The following LNPK variants were observed in gnomAD, a reference collection of about 807,000 sequenced individuals.
LNPK encodes lunapark, ER junction formation factor.
A neutral mutation model predicts 55.2 loss-of-function variants in LNPK; 29 were observed. The observed-to-expected ratio is 0.53, with a 90% CI of 0.39 to 0.72. The LOEUF is 0.72. LNPK is among the 30% of genes least tolerant of loss of function. The pLI, the probability that LNPK is intolerant of heterozygous loss-of-function variation, is 0.00. For missense variants in LNPK, 467 were observed against 494.8 expected (o/e 0.94, Z 0.53); for synonymous variants, 162 against 168.2 (o/e 0.96, Z 0.29).
chr2:175,960,273 A>G (rs147333709), intron 8 of LNPK, among the ~76,000 whole-genome samples: 7,576 of 152,274 alleles, frequency 0.05, 265 homozygotes, highest in Admixed American at 0.11. Flanking sequence ...TCAGCATCAC[A>G]TCGCACTTAC....
At chr2:175,931,498 A>T (rs1684278635) in intron 12 of LNPK, among the ~76,000 whole-genome samples, 1 of 152,202 alleles carries the variant, frequency 6.6e-6, no homozygotes, top group African/African-American at 2.4e-5. Context: ...TTAAAGAGAT[A>T]CCTTGGACTC....
intron 4 of LNPK, among the ~76,000 whole-genome samples, chr2:175,986,535 T>C (rs775684959): frequency 6.6e-6 from 1 of 152,126 alleles, no homozygotes; most frequent in African/African-American, 2.4e-5. Flanking sequence ...TACAGTGTTA[T>C]TGTTTCAACA....
rs1039133300 is a variant in LNPK, at chr2:175,927,838, C to T, written c.*2129G>A. On this transcript the variant is annotated 3_prime_UTR_variant, in exon 13 of 13. Transcript: ENST00000272748. Reference sequence around the variant, plus strand: ...TAAAAGGATACTATATGGTTACAAACATGTTACCTATCGCATTAATTTTAC... The same window carrying T: ...TAAAAGGATACTATATGGTTACAAATATGTTACCTATCGCATTAATTTTAC... 1 of 152,058 alleles carries T rather than the reference C, an allele frequency of 6.6e-6. No homozygotes were observed. The highest frequency in any genetic ancestry group is 1.5e-5 in the Non-Finnish European group (1 of 67,996). 9.4% of individuals were successfully genotyped at this position (152,058 alleles called of 1,614,324 possible).
rs1484846386 is a variant in LNPK at position 175,930,054 on chromosome 2, G to A, written c.1200C>T (p.Ala400=). 1.2e-6 allele frequency: 2 copies of A among 1,613,910 alleles called. No homozygotes were observed. Among genetic ancestry groups the A allele is most frequent in the Admixed American group, 1.7e-5 (1 of 59,992 alleles). ...EEKQETENEE[A]SVIETNSTVP... is the part of the protein sequence containing the mutation. ...CTGTGGAGTTGGTTTCAATCACTGA[G>A]GCTTCCTCATTCTCAGTCTCTTGTT... The change falls in exon 13 of 13, where the codon GCC becomes GCT. Residue 400 remains alanine (A), a synonymous_variant. Transcript: ENST00000272748.
Position 175,929,438 on chromosome 2 carries a change from T to C in LNPK, c.*529A>G, listed in dbSNP as rs182222736. ...CCACTGCATTCTTATTGAGAATTCGTACCAGTGCCTATGTGGTAACAACTT... is the reference window on the plus strand; with the variant it reads ...CCACTGCATTCTTATTGAGAATTCGCACCAGTGCCTATGTGGTAACAACTT... On this transcript the variant is annotated 3_prime_UTR_variant, in exon 13 of 13. Coordinates refer to ENST00000272748, the MANE Select transcript of LNPK (RefSeq NM_030650.3). 17 of 986,234 alleles carry C rather than the reference T, an allele frequency of 1.7e-5. No individual in the cohort carries two copies. Among genetic ancestry groups the C allele is most frequent in the Admixed American group, 6.1e-5 (1 of 16,360 alleles). The allele number at this position is 986,234 out of a possible 1,614,324, so 61.1% of individuals were successfully genotyped here.
chr2:175,954,346 G>A (rs1206445418), intron 8 of LNPK, among the ~76,000 whole-genome samples: 1 of 152,024 alleles, frequency 6.6e-6, no homozygotes, highest in Non-Finnish European at 1.5e-5. Context: ...ACAGGAAAAT[G>A]GCCTCTCAAA....
rs747419994 is a variant in LNPK, at chr2:175,995,550, T to C, written c.27+8A>G. On this transcript the variant is annotated splice_region_variant and intron_variant, in intron 2 of 12. Transcript: ENST00000272748. ...CTCAAGAACTAGCTGTAAAGAAAAG[T>C]ACCTTACCCTCCATCGAGAAAATAA... The C allele has an allele frequency of 1.9e-5, 31 of 1,606,914 alleles. No individual in the cohort carries two copies. In the Admixed American group the frequency reaches 4.9e-4, roughly 25 times the overall value.
rs972901665 is a variant in LNPK, at chr2:175,951,607, A to ATATATC, written c.494-3916_494-3915insGATATA. Reference sequence around the variant, plus strand: ...TTCATATATATATATATATATATATATATCTCAGTTTCTTTATCCACTCAT... The same window carrying ATATATC: ...TTCATATATATATATATATATATATATATATCTATCTCAGTTTCTTTATCCACTCAT... On this transcript the variant is annotated intron_variant, in intron 8 of 12. Transcript: ENST00000272748. 6.2e-4 allele frequency among the ~76,000 whole-genome samples: 75 copies of ATATATC among 121,570 alleles called. 4 individuals are homozygous for ATATATC. Among genetic ancestry groups the ATATATC allele is most frequent in the Admixed American group, 1.3e-3 (16 of 12,222 alleles). The allele number at this position is 121,570 out of a possible 152,430, so 79.8% of individuals were successfully genotyped here. A position where few individuals can be genotyped will look rare whatever the true frequency, so the allele number is the denominator to read the frequency against.
Position 175,958,080 on chromosome 2 carries a change from C to T in LNPK, c.493+6292G>A, listed in dbSNP as rs1244093713. ...GGAAGCTCGAACTGGGTGGAGTCCA[C>T]CTCAGCTCAACCAGGCCTGCCTGCC... On this transcript the variant is annotated intron_variant, in intron 8 of 12. Coordinates refer to ENST00000272748, the MANE Select transcript of LNPK (RefSeq NM_030650.3). Among the ~76,000 whole-genome samples, 4 of 152,212 alleles carry T rather than the reference C, an allele frequency of 2.6e-5. No homozygotes were observed. In the East Asian group the frequency reaches 5.8e-4, roughly 22 times the overall value.
intron 6 of LNPK, among the ~76,000 whole-genome samples, chr2:175,970,092 C>T (rs991226534): frequency 6.6e-6 from 1 of 152,162 alleles, no homozygotes; most frequent in Non-Finnish European, 1.5e-5. Context: ...CATTTTCACA[C>T]TTCAAAAATA....
At chr2:175,947,714 T>C in intron 8 of LNPK, 22 bp from the exon 9 acceptor site, 2 of 1,535,054 alleles carry the variant, frequency 1.3e-6, no homozygotes, top group Non-Finnish European at 1.8e-6. Flanking sequence ...AAGTACATAC[T>C]AGACTTAATT....
Position 175,992,212 on chromosome 2 carries a change from A to G in LNPK, c.257+19T>C, listed in dbSNP as rs749218227. The stretch of plus-strand genomic sequence containing the variant: ...TAGTCAGAAAAGGAAAAGATCAACA[A>G]AAAGAATAATTTACTTACATCAATG... On this transcript the variant is annotated intron_variant, in intron 4 of 12. Coordinates refer to ENST00000272748, the MANE Select transcript of LNPK (RefSeq NM_030650.3). 1.3e-6 allele frequency: 2 copies of G among 1,509,968 alleles called. No individual in the cohort carries two copies. The highest frequency in any genetic ancestry group is 8.9e-7 in the Non-Finnish European group (1 of 1,128,400). 93.5% of individuals were successfully genotyped at this position (1,509,968 alleles called of 1,614,324 possible).
intron 2 of LNPK, chr2:175,994,153 C>A (rs1687826813): frequency 1.0e-6 from 1 of 979,368 alleles, no homozygotes; most frequent in Non-Finnish European, 1.2e-6. Context: ...ACTCAACAAT[C>A]CAAGAGGGTA....
At chr2:175,967,061 G>A (rs770859400) in intron 6 of LNPK, among the ~76,000 whole-genome samples, 1 of 152,128 alleles carries the variant, frequency 6.6e-6, no homozygotes, top group Non-Finnish European at 1.5e-5. Context: ...TCTCATTCAA[G>A]CTTGTCCAAC....
intron 9 of LNPK, among the ~76,000 whole-genome samples, chr2:175,946,709 A>G (rs1325368779): frequency 6.6e-6 from 1 of 152,114 alleles, no homozygotes; most frequent in Non-Finnish European, 1.5e-5. Context: ...TAGTCATGAA[A>G]TAACAAAGTA....
intron 12 of LNPK, chr2:175,932,285 G>C (rs1367242964): frequency 9.5e-6 from 4 of 421,868 alleles, no homozygotes; most frequent in Non-Finnish European, 1.9e-5. Flanking sequence ...GGGCCACAAA[G>C]AAATGGTTAA....
chr2:175,936,927 A>G (rs1684573161), intron 12 of LNPK, among the ~76,000 whole-genome samples: 1 of 152,208 alleles, frequency 6.6e-6, no homozygotes, highest in African/African-American at 2.4e-5. Context: ...GGTAATTTCT[A>G]CCAATTTGTG....
chr2:175,947,368 CTCTGCTATTT>C, intron 9 of LNPK, 102 bp downstream of exon 9: 1 of 810,986 alleles, frequency 1.2e-6, no homozygotes, highest in South Asian at 1.7e-5. Flanking sequence ...CAGATAACTG[CTCTGCTATTT>C]CCAAATGAAA....
At chr2:175,968,710 T>A (rs1686498253) in intron 6 of LNPK, among the ~76,000 whole-genome samples, 1 of 152,212 alleles carries the variant, frequency 6.6e-6, no homozygotes, top group Non-Finnish European at 1.5e-5. Flanking sequence ...ATAATTCATA[T>A]CTGTCATTAC....
Sources: gnomAD v4.1 joint callset for allele counts (sites outside exome capture counted in the v4.1 genomes callset) on GRCh38, gnomAD v4.1.1 for gene constraint, MANE v1.5 for transcripts, NCBI Gene and HGNC (gene_info 2026-07-23, HGNC 2026-07-21) for gene names.